The following NALF1 variants were observed in gnomAD, a reference collection of about 807,000 sequenced individuals.
The protein encoded by NALF1 is NALCN channel auxiliary factor 1, also known as family with sequence similarity 155 member A.
NALF1 carries 3 observed loss-of-function variants against 48.4 expected under a neutral mutation model. That is an observed-to-expected ratio of 0.06 (90% CI 0.03 to 0.16). The LOEUF is 0.16. NALF1 is among the 10% of genes least tolerant of loss of function. The pLI is 1.00. For missense variants in NALF1, 526 were observed against 571.5 expected, an observed-to-expected ratio of 0.92 and a Z score of 0.81; for synonymous variants, 262 against 245.7, an observed-to-expected ratio of 1.07 and a Z score of -0.62.
intron 1 of NALF1, among the ~76,000 whole-genome samples, chr13:107,576,214 C>T (rs1280449576): frequency 6.6e-6 from 1 of 152,088 alleles, no homozygotes; most frequent in Admixed American, 6.6e-5. Context: ...TCTGACAGGT[C>T]TTATCATTGC....
intron 1 of NALF1, among the ~76,000 whole-genome samples, chr13:107,427,456 T>C (rs899140115): frequency 6.6e-6 from 1 of 152,244 alleles, no homozygotes; most frequent in African/African-American, 2.4e-5. Flanking sequence ...TTTATTTTCA[T>C]TTTATTTTAT....
At chr13:107,221,829 A>T (rs1329627998) in intron 1 of NALF1, among the ~76,000 whole-genome samples, 1 of 152,172 alleles carries the variant, frequency 6.6e-6, no homozygotes, top group African/African-American at 2.4e-5. Flanking sequence ...ATTCTATACC[A>T]GTTATGCAGA....
At chr13:107,538,764 C>G (rs1018527228) in intron 1 of NALF1, among the ~76,000 whole-genome samples, 2 of 152,148 alleles carry the variant, frequency 1.3e-5, no homozygotes, top group African/African-American at 4.8e-5. Context: ...CTACAGTTTA[C>G]TTCTCACTAA....
chr13:107,650,857 G>A (rs1027350115), intron 1 of NALF1, among the ~76,000 whole-genome samples: 4 of 152,104 alleles, frequency 2.6e-5, no homozygotes, highest in Admixed American at 6.5e-5. Flanking sequence ...TCACTTGTAA[G>A]TGGGGGCTAA....
chr13:107,372,520 C>A (rs1345076201), intron 1 of NALF1, among the ~76,000 whole-genome samples: 1 of 152,144 alleles, frequency 6.6e-6, no homozygotes, highest in African/African-American at 2.4e-5. Flanking sequence ...AAGTTCTGCC[C>A]TCTAGGCATT....
At chr13:107,710,700 C>A (rs2138518717) in intron 1 of NALF1, among the ~76,000 whole-genome samples, 1 of 150,458 alleles carries the variant, frequency 6.6e-6, no homozygotes, top group East Asian at 2.0e-4. Flanking sequence ...CCCACCAGGT[C>A]CCTCCCTCAA....
intron 1 of NALF1, among the ~76,000 whole-genome samples, chr13:107,212,819 C>T: frequency 6.6e-6 from 1 of 152,140 alleles, no homozygotes; most frequent in Non-Finnish European, 1.5e-5. Context: ...CAAAAAATAA[C>T]ATTCCATTAT....
At chr13:107,611,801 T>C (rs768668629) in intron 1 of NALF1, among the ~76,000 whole-genome samples, 26 of 151,394 alleles carry the variant, frequency 1.7e-4, no homozygotes, top group Non-Finnish European at 3.2e-4. Flanking sequence ...CATACACCTA[T>C]AAGCTCAGTT....
At chr13:107,308,917 T>C (rs1256131559) in intron 1 of NALF1, among the ~76,000 whole-genome samples, 1 of 152,256 alleles carries the variant, frequency 6.6e-6, no homozygotes, top group Admixed American at 6.5e-5. Flanking sequence ...AACTCTGTCT[T>C]ATCTGCTCAT....
intron 1 of NALF1, among the ~76,000 whole-genome samples, chr13:107,475,798 CTATT>C (rs965234049): frequency 4.6e-5 from 7 of 152,084 alleles, no homozygotes; most frequent in African/African-American, 1.7e-4. Flanking sequence ...CTCATATAAA[CTATT>C]TATTGAGAGT....
chr13:107,751,721 T>C (rs1158315100), intron 1 of NALF1, among the ~76,000 whole-genome samples: 1 of 152,148 alleles, frequency 6.6e-6, no homozygotes, highest in African/African-American at 2.4e-5. Flanking sequence ...TGATGAGGAA[T>C]GTAACACAGA....
At chr13:107,295,043 C>A (rs2138886516) in intron 1 of NALF1, among the ~76,000 whole-genome samples, 1 of 151,788 alleles carries the variant, frequency 6.6e-6, no homozygotes, top group South Asian at 2.1e-4. Flanking sequence ...AAGTGTGTTA[C>A]AAAGGTAGAT....
chr13:107,742,589 C>T (rs142290571), intron 1 of NALF1, among the ~76,000 whole-genome samples: 86 of 152,290 alleles, frequency 5.6e-4, no homozygotes, highest in African/African-American at 1.9e-3. Context: ...TTTCCTGAGG[C>T]TTACCCATCC....
chr13:107,859,366 C>T lies in NALF1; in HGVS notation c.915+6316G>A, dbSNP rs552974539. 5.3e-5 allele frequency among the ~76,000 whole-genome samples: 8 copies of T among 152,250 alleles called. No homozygotes were observed. In the East Asian group the frequency reaches 1.5e-3, roughly 29 times the overall value. On this transcript the variant is annotated intron_variant, in intron 1 of 2. Coordinates refer to ENST00000375915, the MANE Select transcript of NALF1 (RefSeq NM_001080396.3). ...ACAGGTATTAAACATCTATCTTTTG[C>T]AGGATCTTTAAGCATCTGAGATAGC...
intron 1 of NALF1, among the ~76,000 whole-genome samples, chr13:107,314,659 G>A (rs1882110103): frequency 6.6e-6 from 1 of 152,048 alleles, no homozygotes; most frequent in African/African-American, 2.4e-5. Flanking sequence ...CCTAGTCTTG[G>A]TTAGGTAGAC....
intron 1 of NALF1, among the ~76,000 whole-genome samples, chr13:107,626,009 T>C (rs972054091): frequency 1.3e-5 from 2 of 152,096 alleles, no homozygotes; most frequent in East Asian, 1.9e-4. Flanking sequence ...AAAAGAAGTA[T>C]TCATGATGTA....
intron 1 of NALF1, among the ~76,000 whole-genome samples, chr13:107,216,836 A>G (rs932813600): frequency 7.9e-5 from 12 of 152,194 alleles, no homozygotes; most frequent in Non-Finnish European, 4.4e-5. Context: ...CAGTTGGCCA[A>G]TCAGGGTATG....
chr13:107,644,068 ATTT>A (rs918831577), intron 1 of NALF1, among the ~76,000 whole-genome samples: 7 of 71,708 alleles, frequency 9.8e-5, no homozygotes, highest in Admixed American at 2.8e-4. Context: ...ACAGATATTT[ATTT>A]TTAAGTAGAA....
chr13:107,472,366 T>C (rs1310652959), intron 1 of NALF1, among the ~76,000 whole-genome samples: 1 of 152,004 alleles, frequency 6.6e-6, no homozygotes, highest in East Asian at 1.9e-4. Flanking sequence ...CAGATAACAC[T>C]GGGGCTGTGA....
Sources: gnomAD v4.1 joint callset for allele counts (sites outside exome capture counted in the v4.1 genomes callset) on GRCh38, gnomAD v4.1.1 for gene constraint, MANE v1.5 for transcripts, NCBI Gene and HGNC (gene_info 2026-07-23, HGNC 2026-07-21) for gene names.